The following CNTN4 variants were observed in gnomAD, a reference collection of about 807,000 sequenced individuals.
The protein encoded by CNTN4 is contactin 4.
In CNTN4, 77 loss-of-function variants were observed where a neutral mutation model predicts 122.5. The ratio of observed to expected loss-of-function variants is 0.63; its 90% CI spans 0.52 to 0.76. The LOEUF is 0.76. Ranked by LOEUF, CNTN4 falls within the 30% of genes least tolerant of loss-of-function variation. The pLI is 0.00. For missense variants in CNTN4, 1,256 were observed against 1,259.1 expected, an observed-to-expected ratio of 1.00 and a Z score of 0.04; for synonymous variants, 512 against 447.0, an observed-to-expected ratio of 1.15 and a Z score of -1.83.
chr3:2,961,055 C>G lies in CNTN4; in HGVS notation c.1359-27290C>G, dbSNP rs542446935. Among the ~76,000 whole-genome samples, 1,024 of 143,962 alleles carry G rather than the reference C, an allele frequency of 7.1e-3. 2 individuals are homozygous for G. The highest frequency in any genetic ancestry group is 0.012 in the Admixed American group (163 of 14,104). 94.4% of individuals were successfully genotyped at this position (143,962 alleles called of 152,430 possible). ...ACCATCCTGGCTAACACGGTGAAAC[C>G]CCGTCTCTACTAAAAATACAAAAAA... is the stretch of plus-strand genomic sequence containing the variant. On this transcript the variant is annotated intron_variant, in intron 13 of 24. Transcript: ENST00000418658.
intron 2 of CNTN4, among the ~76,000 whole-genome samples, chr3:2,252,083 C>A (rs915845184): frequency 3.3e-5 from 5 of 151,930 alleles, no homozygotes; most frequent in Admixed American, 6.6e-5. Context: ...ACTCTACATT[C>A]ACATTTATAG....
intron 3 of CNTN4, among the ~76,000 whole-genome samples, chr3:2,480,588 A>G (rs1559592162): frequency 1.3e-5 from 2 of 152,230 alleles, no homozygotes; most frequent in African/African-American, 4.8e-5. Context: ...TGTGAAGAAA[A>G]CTAGAAAACT....
At chr3:2,698,750 T>C (rs2086186989) in intron 4 of CNTN4, among the ~76,000 whole-genome samples, 2 of 152,194 alleles carry the variant, frequency 1.3e-5, no homozygotes, top group South Asian at 4.1e-4. Context: ...TGGCAGAGTC[T>C]GTTTTAAGAG....
intron 2 of CNTN4, among the ~76,000 whole-genome samples, chr3:2,284,889 C>T (rs911339839): frequency 2.0e-5 from 3 of 151,402 alleles, no homozygotes; most frequent in Non-Finnish European, 4.4e-5. Context: ...GTAAAGTGAT[C>T]CAAAACATAT....
At chr3:2,287,776 A>AAGG in intron 2 of CNTN4, among the ~76,000 whole-genome samples, 1 of 147,374 alleles carries the variant, frequency 6.8e-6, no homozygotes, top group East Asian at 2.0e-4. Flanking sequence ...GAAGAAGAAG[A>AAGG]AGGAGAAGAA....
At chr3:2,875,333 T>A (rs1160649454) in intron 8 of CNTN4, among the ~76,000 whole-genome samples, 1 of 152,220 alleles carries the variant, frequency 6.6e-6, no homozygotes, top group Non-Finnish European at 1.5e-5. Context: ...TGCTTATATA[T>A]GGAAGGTACT....
At chr3:2,718,244 T>G (rs1483969216) in intron 4 of CNTN4, among the ~76,000 whole-genome samples, 2 of 152,160 alleles carry the variant, frequency 1.3e-5, no homozygotes, top group Non-Finnish European at 2.9e-5. Flanking sequence ...TTGGTTTTTT[T>G]TTTAACCCTT....
intron 2 of CNTN4, among the ~76,000 whole-genome samples, chr3:2,308,485 A>C (rs2042797755): frequency 6.6e-6 from 1 of 151,698 alleles, no homozygotes; most frequent in Admixed American, 6.6e-5. Flanking sequence ...TAAGTTATTG[A>C]TTTTAAATTT....
chr3:2,716,307 C>T (rs1366015552), intron 4 of CNTN4, among the ~76,000 whole-genome samples: 1 of 151,266 alleles, frequency 6.6e-6, no homozygotes, highest in Non-Finnish European at 1.5e-5. Flanking sequence ...TATCATATAT[C>T]ATTATTGTAT....
At chr3:2,629,257 A>G (rs1559324275) in intron 4 of CNTN4, among the ~76,000 whole-genome samples, 1 of 152,192 alleles carries the variant, frequency 6.6e-6, no homozygotes, top group Non-Finnish European at 1.5e-5. Flanking sequence ...CAAGCCAAGA[A>G]GAGAGCCCTC....
intron 1 of CNTN4, among the ~76,000 whole-genome samples, chr3:2,099,930 C>T (rs2031769003): frequency 6.6e-6 from 1 of 152,180 alleles, no homozygotes; most frequent in South Asian, 2.1e-4. Flanking sequence ...GGTAGGAGGA[C>T]GTGGGCTCCT....
chr3:2,724,698 T>G (rs114120014), intron 4 of CNTN4, among the ~76,000 whole-genome samples: 1 of 152,176 alleles, frequency 6.6e-6, no homozygotes, highest in Admixed American at 6.5e-5. Flanking sequence ...AAGTACTGCC[T>G]GCAGGCATTC....
At chr3:2,544,550 G>A (rs1334584101) in intron 3 of CNTN4, among the ~76,000 whole-genome samples, 1 of 151,906 alleles carries the variant, frequency 6.6e-6, no homozygotes, top group Non-Finnish European at 1.5e-5. Flanking sequence ...CTTATAATTG[G>A]GAAAAGAAAA....
chr3:2,420,801 A>G (rs62245752), intron 3 of CNTN4, among the ~76,000 whole-genome samples: 2 of 151,994 alleles, frequency 1.3e-5, no homozygotes, highest in African/African-American at 4.8e-5. Flanking sequence ...TGCACTTCTT[A>G]AACTAGTTAC....
chr3:2,430,633 A>AAT, intron 3 of CNTN4, among the ~76,000 whole-genome samples: 1 of 151,548 alleles, frequency 6.6e-6, no homozygotes, highest in Non-Finnish European at 1.5e-5. Flanking sequence ...AAAAAAAAAA[A>AAT]AAAATTCTGT....
intron 6 of CNTN4, among the ~76,000 whole-genome samples, chr3:2,808,155 TC>T (rs2092514294): frequency 6.6e-6 from 1 of 152,220 alleles, no homozygotes; most frequent in South Asian, 2.1e-4. Context: ...GCAGGGTTTT[TC>T]ATGACCAATT....
At chr3:3,024,981 TTTGA>T (rs1450602689) in intron 14 of CNTN4, among the ~76,000 whole-genome samples, 1 of 152,232 alleles carries the variant, frequency 6.6e-6, no homozygotes, top group African/African-American at 2.4e-5. Context: ...TTTGTAATTG[TTTGA>T]TTGGCTCGGT....
chr3:2,400,749 T>C (rs114805144), intron 3 of CNTN4, among the ~76,000 whole-genome samples: 7,467 of 151,400 alleles, frequency 0.049, 274 homozygotes, highest in Non-Finnish European at 0.073. Flanking sequence ...TGTGGTGGCT[T>C]TTATTTCAAG....
chr3:2,211,770 C>G (rs1053866642), intron 2 of CNTN4, among the ~76,000 whole-genome samples: 1 of 152,068 alleles, frequency 6.6e-6, no homozygotes, highest in African/African-American at 2.4e-5. Flanking sequence ...GAGTCACCAA[C>G]CCATTTAGTC....
Sources: allele counts gnomAD v4.1 joint callset (sites outside exome capture counted in the v4.1 genomes callset), GRCh38; gene constraint gnomAD v4.1.1; transcripts MANE v1.5; gene names NCBI Gene and HGNC (gene_info 2026-07-23, HGNC 2026-07-21).